ANGPTL4: variants seen among roughly 807,000 people sequenced by gnomAD.
The protein encoded by ANGPTL4 is angiopoietin-related protein 4.
ANGPTL4 carries 39 observed loss-of-function variants against 39.2 expected under a neutral mutation model. The observed-to-expected ratio is 1.00, with a 90% CI of 0.77 to 1.30. The LOEUF (loss-of-function observed/expected upper bound fraction) is 1.30, where lower values mean the gene tolerates loss of function less well. Among genes scored for constraint, ANGPTL4 ranks in the 50% most tolerant of loss-of-function variants. ANGPTL4 has a pLI of 0.00. For missense variants in ANGPTL4, 545 were observed against 549.8 expected (o/e 0.99, Z 0.09); for synonymous variants, 233 against 229.5 (o/e 1.02, Z -0.14).
At chr19:8,366,105 T>C (rs1158532474) in intron 2 of ANGPTL4, 41 bp downstream of exon 2, 1 of 1,606,758 alleles carries the variant, frequency 6.2e-7, no homozygotes, top group African/African-American at 1.3e-5. Context: ...CTCTGATAGC[T>C]GGACCCCAGG....
At position 8,367,606 on chromosome 19, in the gene ANGPTL4, G is replaced by T. The variant is rs553136370; in HGVS notation, c.547+1287G>T. Among the ~76,000 whole-genome samples the T allele has an allele frequency of 4.6e-5, 7 of 152,142 alleles. No individual in the cohort carries two copies. The East Asian group carries it at 1.4e-3, about 30-fold the overall frequency. On this transcript the variant is annotated intron_variant, in intron 3 of 6. Coordinates refer to ENST00000301455, the MANE Select transcript of ANGPTL4 (RefSeq NM_139314.3). Reference sequence around the variant, plus strand: ...ATTTCGACCTTTCCCCTACTTTTCCGGCTGGGCTGGGGGCGGTTCCTCCCA... The same window carrying T: ...ATTTCGACCTTTCCCCTACTTTTCCTGCTGGGCTGGGGGCGGTTCCTCCCA...
chr19:8,364,487 C>T lies in ANGPTL4; in HGVS notation c.166C>T (p.Arg56Cys). ...ACTCCTGCAGCTCGGCCAGGGGCTG[C>T]GCGAACACGCGGAGCGCACCCGCAG... Reference protein sequence around the residue: ...HGLLQLGQGLREHAERTRSQL... With the variant: ...HGLLQLGQGLCEHAERTRSQL... Residue 56 changes from arginine to cysteine, a missense_variant, in exon 1 of 7, where the codon CGC becomes TGC. Transcript: ENST00000301455. 6.4e-7 allele frequency: 1 copy of T among 1,564,316 alleles called. No individual in the cohort carries two copies. Among genetic ancestry groups the T allele is most frequent in the Non-Finnish European group, 8.7e-7 (1 of 1,155,864 alleles).
At chr19:8,367,516 C>T (rs1971029659) in intron 3 of ANGPTL4, among the ~76,000 whole-genome samples, 1 of 151,998 alleles carries the variant, frequency 6.6e-6, no homozygotes, top group Non-Finnish European at 1.5e-5. Context: ...GGGGAGATGC[C>T]TGAGGGGCCG....
chr19:8,368,633 C>T, intron 3 of ANGPTL4, among the ~76,000 whole-genome samples: 1 of 152,056 alleles, frequency 6.6e-6, no homozygotes, highest in East Asian at 1.9e-4. Flanking sequence ...CCAAGGCTGG[C>T]GGATCACGAG....
Position 8,371,783 on chromosome 19 carries a change from T to A in ANGPTL4, c.1039+261T>A, listed in dbSNP as rs755647037. 4.9e-4 allele frequency among the ~76,000 whole-genome samples: 74 copies of A among 152,328 alleles called. No individual in the cohort carries two copies. Among genetic ancestry groups the A allele is most frequent in the Middle Eastern group, 3.4e-3 (1 of 294 alleles). On this transcript the variant is annotated intron_variant, in intron 6 of 6. Coordinates refer to ENST00000301455, the MANE Select transcript of ANGPTL4 (RefSeq NM_139314.3). This position sits in a 1 kb window ranked among gnomAD's most constrained non-coding sequence, Gnocchi z 5.1. ...TATGTATTTATTTTTTGAGACGGAG[T>A]CTCACTTTGTCACCCAGGCTGGAGT...
intron 3 of ANGPTL4, 28 bp downstream of exon 3, chr19:8,366,347 G>A (rs749817478): frequency 6.2e-6 from 10 of 1,606,238 alleles, no homozygotes; most frequent in South Asian, 4.4e-5. Flanking sequence ...GATGCTCTCC[G>A]GTGGCCACCC....
Position 8,371,557 on chromosome 19 carries a change from A to G in ANGPTL4, c.1039+35A>G. 6.2e-7 allele frequency: 1 copy of G among 1,612,080 alleles called. No homozygotes were observed. The highest frequency in any genetic ancestry group is 8.5e-7 in the Non-Finnish European group (1 of 1,179,938). On this transcript the variant is annotated intron_variant, in intron 6 of 6. Transcript: ENST00000301455. The surrounding 1 kb of genome is among the most constrained non-coding windows in gnomAD (Gnocchi z 5.1). ...CCCTGCCATGCCACACCCAGCCAGC[A>G]GCTTCCCTCCTTATCTTTCTGCTGC... is the stretch of plus-strand genomic sequence containing the variant.
Position 8,364,276 on chromosome 19 carries a change from C to T in ANGPTL4, c.-46C>T, listed in dbSNP as rs1970947174. 2 of 1,514,534 alleles carry T rather than the reference C, an allele frequency of 1.3e-6. No individual in the cohort carries two copies. Among genetic ancestry groups the T allele is most frequent in the African/African-American group, 1.4e-5 (1 of 72,448 alleles). 93.8% of individuals were successfully genotyped at this position (1,514,534 alleles called of 1,614,324 possible). ...CCAGTCCTCGCACCTGGAACCCCAA[C>T]GTCCCCGAGAGTCCCCGAATCCCCG... On this transcript the variant is annotated 5_prime_UTR_variant, in exon 1 of 7. The change creates a new upstream start codon in the 5' untranslated region. Transcript: ENST00000301455.
chr19:8,373,704 G>A lies in ANGPTL4; in HGVS notation c.1040-1G>A. On this transcript the variant is annotated splice_acceptor_variant, in intron 6 of 6. Coordinates refer to ENST00000301455, the MANE Select transcript of ANGPTL4 (RefSeq NM_139314.3). LOFTEE classifies it high-confidence loss of function. ...TGTTCCCTCTCCCCTGACCCCGGCA[G>A]GAGGCTGGTGGTTTGGCACCTGCAG... 6.2e-7 allele frequency: 1 copy of A among 1,613,884 alleles called. No individual in the cohort carries two copies. Among genetic ancestry groups the A allele is most frequent in the Non-Finnish European group, 8.5e-7 (1 of 1,180,026 alleles).
rs775257978 is a variant in ANGPTL4 at position 8,373,819 on chromosome 19, G to T, written c.1154G>T (p.Gly385Val). 6.2e-7 allele frequency: 1 copy of T among 1,613,928 alleles called. No individual in the cohort carries two copies. The highest frequency in any genetic ancestry group is 8.5e-7 in the Non-Finnish European group (1 of 1,180,014). Reference sequence around the variant, plus strand: ...GGAATCTTCTGGAAGACCTGGCGGGGCCGCTACTACCCGCTGCAGGCCACC... The same window carrying T: ...GGAATCTTCTGGAAGACCTGGCGGGTCCGCTACTACCCGCTGCAGGCCACC... ...KKGIFWKTWR[G>V]RYYPLQATTM... The change falls in exon 7 of 7, where the codon GGC becomes GTC. Residue 385 changes from glycine (G) to valine (V), a missense_variant. Physicochemically the swap from Gly to Val is moderately radical, Grantham distance 109. Transcript: ENST00000301455.
At position 8,371,299 on chromosome 19, in the gene ANGPTL4, C is replaced by T; in HGVS notation, c.816C>T (p.Arg272=). Residue 272 remains arginine, a synonymous_variant, in exon 6 of 7, where the codon CGC becomes CGT. Transcript: ENST00000301455. The surrounding 1 kb of genome is among the most constrained non-coding windows in gnomAD (Gnocchi z 5.1). ...GCATCACGGGGGACCGCAACAGCCG[C>T]CTGGCCGTGCAGCTGCGGGACTGGG... ...VHSITGDRNS[R]LAVQLRDWDG... is the part of the protein sequence containing the mutation. The T allele has an allele frequency of 6.2e-7, 1 of 1,613,970 alleles. No individual in the cohort carries two copies. The highest frequency in any genetic ancestry group is 8.5e-7 in the Non-Finnish European group (1 of 1,180,030).
chr19:8,370,995 T>A (rs1026218273), intron 4 of ANGPTL4, 61 bp from the exon 5 acceptor site: 7 of 1,535,958 alleles, frequency 4.6e-6, no homozygotes, highest in Non-Finnish European at 5.3e-6. Flanking sequence ...GGCAGCCAGA[T>A]GAGGGAGTGG....
Position 8,364,759 on chromosome 19 carries a change from G to A in ANGPTL4, c.318+120G>A, listed in dbSNP as rs561866264. 6.0e-5 allele frequency: 75 copies of A among 1,248,706 alleles called. 1 individual carries two copies. In the Admixed American group the frequency reaches 1.5e-3, roughly 24 times the overall value. 77.4% of individuals were successfully genotyped at this position (1,248,706 alleles called of 1,614,324 possible). A position where few individuals can be genotyped will look rare whatever the true frequency, so the allele number is the denominator to read the frequency against. On this transcript the variant is annotated intron_variant, in intron 1 of 6. Coordinates refer to ENST00000301455, the MANE Select transcript of ANGPTL4 (RefSeq NM_139314.3). The stretch of plus-strand genomic sequence containing the variant: ...ACTGTGGCTCCCTGGGCTTCCCTGC[G>A]TCAAGGGATGGGCTCCCCCCTTAGG...
Position 8,371,132 on chromosome 19 carries a change from G to A in ANGPTL4, c.738G>A (p.Ala246=), listed in dbSNP as rs763357381. 31 of 1,613,170 alleles carry A rather than the reference G, an allele frequency of 1.9e-5. No homozygotes were observed. Among genetic ancestry groups the A allele is most frequent in the Middle Eastern group, 1.6e-4 (1 of 6,082 alleles). ...ACCGGCCCTGGGAAGCCTACAAGGC[G>A]GGGTTTGGGGATCCCCACGGTAGGT... The part of the protein sequence containing the change: ...DFNRPWEAYK[A]GFGDPHGEFW... Residue 246 remains alanine (A), a synonymous_variant, in exon 5 of 7, where the codon GCG becomes GCA. Transcript: ENST00000301455. This position sits in a 1 kb window ranked among gnomAD's most constrained non-coding sequence, Gnocchi z 5.1.
intron 6 of ANGPTL4, among the ~76,000 whole-genome samples, chr19:8,373,458 C>T (rs1183894731): frequency 1.1e-4 from 17 of 151,930 alleles, no homozygotes; most frequent in Admixed American, 1.1e-3. Context: ...GTAATCCCAG[C>T]TACTCGGGAG....
At chr19:8,365,402 C>T (rs1280396348) in intron 1 of ANGPTL4, among the ~76,000 whole-genome samples, 1 of 151,948 alleles carries the variant, frequency 6.6e-6, no homozygotes, top group Non-Finnish European at 1.5e-5. Flanking sequence ...CTCTTGAACC[C>T]GGGAGGCGGA....
rs1180025486 is a variant in ANGPTL4 at position 8,371,430 on chromosome 19, C to T, written c.947C>T (p.Thr316Ile). The change falls in exon 6 of 7, where the codon ACC becomes ATC. Residue 316 changes from threonine (T) to isoleucine (I), a missense_variant. Physicochemically the swap from Thr to Ile is moderately conservative, Grantham distance 89 (BLOSUM62 -1). Transcript: ENST00000301455. The surrounding 1 kb of genome is among the most constrained non-coding windows in gnomAD (Gnocchi z 5.1). ...APVAGQLGAT[T>I]VPPSGLSVPF... ...GTGGCCGGCCAGCTGGGCGCCACCA[C>T]CGTCCCACCCAGCGGCCTCTCCGTA... 6 of 1,613,298 alleles carry T rather than the reference C, an allele frequency of 3.7e-6. No homozygotes were observed. Among genetic ancestry groups the T allele is most frequent in the East Asian group, 2.2e-5 (1 of 44,880 alleles).
chr19:8,369,893 T>C (rs866685621), intron 4 of ANGPTL4, among the ~76,000 whole-genome samples: 5 of 151,932 alleles, frequency 3.3e-5, no homozygotes, highest in African/African-American at 1.2e-4. Context: ...AGCTCATCTT[T>C]ACAAAAAATT....
intron 3 of ANGPTL4, among the ~76,000 whole-genome samples, chr19:8,368,848 C>T (rs749700391): frequency 8.6e-5 from 13 of 151,986 alleles, no homozygotes; most frequent in Non-Finnish European, 1.8e-4. Flanking sequence ...AGCGAGACTC[C>T]GTATCAAAAA....
Sources: allele counts gnomAD v4.1 joint callset (sites outside exome capture counted in the v4.1 genomes callset), GRCh38; gene constraint gnomAD v4.1.1; non-coding constraint Gnocchi (gnomAD v3.1); transcripts MANE v1.5; gene names NCBI Gene and HGNC (gene_info 2026-07-23, HGNC 2026-07-21).